The following CSGALNACT1 variants were observed in gnomAD, a reference collection of about 807,000 sequenced individuals.
CSGALNACT1 encodes the protein beta4GalNAcT-1.
A neutral mutation model predicts 51.0 loss-of-function variants in CSGALNACT1; 52 were observed. The ratio of observed to expected loss-of-function variants is 1.02; its 90% confidence interval spans 0.82 to 1.29. The LOEUF (loss-of-function observed/expected upper bound fraction) is 1.29, where lower values mean the gene tolerates loss of function less well. Ranked by LOEUF, CSGALNACT1 falls within the 50% of genes most tolerant of loss-of-function variation. The pLI, the probability that CSGALNACT1 is intolerant of heterozygous loss-of-function variation, is 0.00. For missense variants in CSGALNACT1, 935 were observed against 679.2 expected (o/e 1.38, Z -4.19); for synonymous variants, 341 against 254.4 (o/e 1.34, Z -3.24).
intron 1 of CSGALNACT1, among the ~76,000 whole-genome samples, chr8:19,745,582 G>T (rs190637231): frequency 6.6e-6 from 1 of 152,142 alleles, no homozygotes; most frequent in African/African-American, 2.4e-5. Context: ...TGAAGCTAAG[G>T]TCATTTAGAG....
rs141035787 is a variant in CSGALNACT1 at position 19,445,682 on chromosome 8, A to C, written c.852-5751T>G. On this transcript the variant is annotated intron_variant, in intron 5 of 9. Coordinates refer to ENST00000454498, the Ensembl canonical transcript of CSGALNACT1. The stretch of plus-strand genomic sequence containing the variant: ...TCTCCATGTACTGTGCAAAACTGAA[A>C]CTATCTGTAATATAACTAACAAGTA... 1.7e-3 allele frequency among the ~76,000 whole-genome samples: 262 copies of C among 152,330 alleles called. 1 individual carries two copies. Among genetic ancestry groups the C allele is most frequent in the Non-Finnish European group, 2.2e-3 (147 of 68,028 alleles).
intron 1 of CSGALNACT1, among the ~76,000 whole-genome samples, chr8:19,688,316 C>T (rs374203942): frequency 1.3e-5 from 2 of 152,186 alleles, no homozygotes; most frequent in African/African-American, 4.8e-5. Flanking sequence ...AGGGTTGCTG[C>T]AGCATCCATC....
At chr8:19,688,840 G>C (rs527650569) in intron 1 of CSGALNACT1, 2 of 152,234 alleles carry the variant, frequency 1.3e-5, no homozygotes, top group Non-Finnish European at 2.9e-5. Context: ...AACTGCCCTC[G>C]CCAACCTCCT....
At chr8:19,514,372 C>G (rs2079064303) in intron 3 of CSGALNACT1, among the ~76,000 whole-genome samples, 1 of 151,020 alleles carries the variant, frequency 6.6e-6, no homozygotes, top group South Asian at 2.1e-4. Context: ...AGCAGTTTTG[C>G]TGCTTTTCCT....
rs141098928 is a variant in CSGALNACT1 at position 19,478,790 on chromosome 8, C to T, written c.635-20148G>A. On this transcript the variant is annotated intron_variant, in intron 4 of 9. Transcript: ENST00000454498. Reference sequence around the variant, plus strand: ...TTAATGTTGCCAAAGCCTAATGTGACGAAGCTACTTATCCCTTGAAGGGCA... The same window carrying T: ...TTAATGTTGCCAAAGCCTAATGTGATGAAGCTACTTATCCCTTGAAGGGCA... Among the ~76,000 whole-genome samples, 26 of 152,258 alleles carry T rather than the reference C, an allele frequency of 1.7e-4. No individual in the cohort carries two copies. In the East Asian group the frequency reaches 2.3e-3, roughly 14 times the overall value.
At chr8:19,740,985 T>G (rs556450298) in intron 1 of CSGALNACT1, among the ~76,000 whole-genome samples, 4 of 152,112 alleles carry the variant, frequency 2.6e-5, no homozygotes, top group Non-Finnish European at 5.9e-5. Flanking sequence ...GCAAAGCAAC[T>G]TGGAAATAAG....
chr8:19,678,674 C>T (rs1413902621), intron 1 of CSGALNACT1: 1 of 152,164 alleles, frequency 6.6e-6, no homozygotes. Flanking sequence ...TGCAATGTAA[C>T]TAATCAAAAT....
exon 5 of CSGALNACT1, chr8:19,458,440 G>A: frequency 6.2e-7 from 1 of 1,614,076 alleles, no homozygotes; most frequent in Non-Finnish European, 8.5e-7. Flanking sequence ...AATTCTGCAT[G>A]AACTGCCGGA....
intron 3 of CSGALNACT1, among the ~76,000 whole-genome samples, chr8:19,525,992 G>T (rs957804744): frequency 6.6e-6 from 1 of 152,196 alleles, no homozygotes; most frequent in Non-Finnish European, 1.5e-5. Context: ...ATATGTGCAA[G>T]AATGGGGAAA....
intron 4 of CSGALNACT1, among the ~76,000 whole-genome samples, chr8:19,468,702 G>C (rs1464770353): frequency 1.3e-5 from 2 of 151,930 alleles, no homozygotes; most frequent in Non-Finnish European, 2.9e-5. Flanking sequence ...AGAAAAGGAG[G>C]CTGACTCGAG....
chr8:19,472,260 T>G (rs965670016), intron 4 of CSGALNACT1, among the ~76,000 whole-genome samples: 4 of 152,136 alleles, frequency 2.6e-5, no homozygotes, highest in Non-Finnish European at 5.9e-5. Context: ...CATTCGAATG[T>G]ATATCCAGGA....
intron 9 of CSGALNACT1, 114 bp downstream of exon 8, chr8:19,408,495 TTTGA>T: frequency 3.9e-5 from 16 of 411,428 alleles, no homozygotes; most frequent in East Asian, 8.1e-5. Context: ...TTTTTTTTTT[TTTGA>T]AGGCAATGGT....
chr8:19,702,886 C>G (rs1420424577), intron 1 of CSGALNACT1, among the ~76,000 whole-genome samples: 1 of 152,090 alleles, frequency 6.6e-6, no homozygotes, highest in African/African-American at 2.4e-5. Flanking sequence ...CCCAGCCCCC[C>G]ACCCAGTAGC....
At chr8:19,482,708 C>G (rs1413793307) in intron 4 of CSGALNACT1, among the ~76,000 whole-genome samples, 1 of 152,144 alleles carries the variant, frequency 6.6e-6, no homozygotes, top group African/African-American at 2.4e-5. Flanking sequence ...GATCACAGAT[C>G]GCTTTTCACT....
At chr8:19,718,123 C>T (rs2062917991) in intron 1 of CSGALNACT1, among the ~76,000 whole-genome samples, 2 of 152,158 alleles carry the variant, frequency 1.3e-5, no homozygotes, top group Admixed American at 1.3e-4. Context: ...GACAGAGTCT[C>T]ATGCTGTCAC....
chr8:19,690,651 T>C (rs1484899203), intron 1 of CSGALNACT1, among the ~76,000 whole-genome samples: 1 of 152,226 alleles, frequency 6.6e-6, no homozygotes, highest in African/African-American at 2.4e-5. Flanking sequence ...TAAAAATACA[T>C]GGCTGGAATT....
intron 3 of CSGALNACT1, among the ~76,000 whole-genome samples, chr8:19,554,274 G>T (rs1588252563): frequency 6.6e-6 from 1 of 152,118 alleles, no homozygotes; most frequent in African/African-American, 2.4e-5. Context: ...AAAGTCAATG[G>T]AGCAATGTCT....
At chr8:19,606,115 G>A (rs1346024501), upstream of CSGALNACT1, among the ~76,000 whole-genome samples, 1 of 152,008 alleles carries the variant, frequency 6.6e-6, no homozygotes, top group African/African-American at 2.4e-5. Context: ...CTCAAAATGT[G>A]AAAAATAAAA....
At chr8:19,745,582 G>C (rs190637231) in intron 1 of CSGALNACT1, among the ~76,000 whole-genome samples, 1 of 152,260 alleles carries the variant, frequency 6.6e-6, no homozygotes, top group African/African-American at 2.4e-5. Context: ...TGAAGCTAAG[G>C]TCATTTAGAG....
Sources: gnomAD v4.1 joint callset for allele counts (sites outside exome capture counted in the v4.1 genomes callset) on GRCh38, gnomAD v4.1.1 for gene constraint, MANE v1.5 for transcripts, NCBI Gene and HGNC (gene_info 2026-07-23, HGNC 2026-07-21) for gene names.